Variants in TENM3 observed in about 807,000 individuals in gnomAD.
The protein encoded by TENM3 is teneurin transmembrane protein 3.
Under a neutral mutation model 255.1 loss-of-function variants are expected in TENM3, and 63 were observed. The ratio of observed to expected loss-of-function variants is 0.25; its 90% CI spans 0.20 to 0.30. The LOEUF (loss-of-function observed/expected upper bound fraction) is 0.30. TENM3 is among the 10% of genes least tolerant of loss of function. TENM3 has a pLI of 1.00. For synonymous variants in TENM3, 1,306 were observed against 1,322.3 expected (o/e 0.99, Z 0.27); for missense variants, 2,929 against 3,461.1 (o/e 0.85, Z 3.86).
At chr4:181,777,742 T>G in the TENM3 span, among the ~76,000 whole-genome samples, 1 of 152,160 alleles carries the variant, frequency 6.6e-6, no homozygotes, top group Non-Finnish European at 1.5e-5. Context: ...CACATAGAAA[T>G]TTTTAAATAT....
the TENM3 span, among the ~76,000 whole-genome samples, chr4:181,466,074 A>G: frequency 6.6e-6 from 1 of 151,754 alleles, no homozygotes; most frequent in Non-Finnish European, 1.5e-5. Flanking sequence ...ACGTGGGTGG[A>G]TAATGCCTAT....
the TENM3 span, among the ~76,000 whole-genome samples, chr4:182,001,607 T>G: frequency 6.6e-6 from 1 of 152,234 alleles, no homozygotes; most frequent in African/African-American, 2.4e-5. Context: ...CATCAACTAC[T>G]ACTTTTGCTG....
At chr4:182,549,264 G>T (rs545864418) in intron 3 of TENM3, among the ~76,000 whole-genome samples, 1 of 152,290 alleles carries the variant, frequency 6.6e-6, no homozygotes, top group African/African-American at 2.4e-5. Context: ...TCACTTCAAA[G>T]AATTAATACT....
At chr4:182,098,697 A>AG in the TENM3 span, among the ~76,000 whole-genome samples, 1 of 152,138 alleles carries the variant, frequency 6.6e-6, no homozygotes, top group Non-Finnish European at 1.5e-5. Flanking sequence ...GGAGATAAGA[A>AG]GGGGGTGGTT....
chr4:182,431,516 G>GC (rs1771644715), intron 3 of TENM3, among the ~76,000 whole-genome samples: 1 of 151,998 alleles, frequency 6.6e-6, no homozygotes, highest in African/African-American at 2.4e-5. Context: ...AAAAGAAAAG[G>GC]ATGGGTGAGA....
chr4:182,455,408 GT>G (rs533979684), intron 3 of TENM3, among the ~76,000 whole-genome samples: 106 of 152,000 alleles, frequency 7.0e-4, no homozygotes, highest in African/African-American at 2.5e-3. Flanking sequence ...TCTGAGTTGT[GT>G]TTTATCAGTC....
chr4:182,124,113 G>A, the TENM3 span, among the ~76,000 whole-genome samples: 1 of 152,160 alleles, frequency 6.6e-6, no homozygotes, highest in African/African-American at 2.4e-5. Context: ...GTGCAATGGC[G>A]TGATCTCGGT....
At chr4:182,226,445 T>G (rs1756163239) in intron 1 of TENM3, among the ~76,000 whole-genome samples, 1 of 152,220 alleles carries the variant, frequency 6.6e-6, no homozygotes, top group African/African-American at 2.4e-5. Flanking sequence ...CAAATAGGCT[T>G]CTTTAACTTG....
chr4:182,058,759 G>A, the TENM3 span, among the ~76,000 whole-genome samples: 1 of 151,866 alleles, frequency 6.6e-6, no homozygotes, highest in African/African-American at 2.4e-5. Context: ...ATTATTTAAG[G>A]TTCTTAATCT....
the TENM3 span, among the ~76,000 whole-genome samples, chr4:181,690,064 C>T: frequency 2.0e-5 from 3 of 152,066 alleles, no homozygotes; most frequent in Non-Finnish European, 4.4e-5. Flanking sequence ...AATGTGATTC[C>T]CAGGCACCCA....
At chr4:182,531,088 G>A (rs527403775) in intron 3 of TENM3, among the ~76,000 whole-genome samples, 13 of 152,118 alleles carry the variant, frequency 8.5e-5, no homozygotes, top group Non-Finnish European at 1.8e-4. Context: ...AGTGGTTGGA[G>A]GAGAATGGAC....
At chr4:182,410,707 A>C (rs17073261) in intron 3 of TENM3, among the ~76,000 whole-genome samples, 1 of 152,092 alleles carries the variant, frequency 6.6e-6, no homozygotes, top group Non-Finnish European at 1.5e-5. Context: ...AAATCGTCTT[A>C]ACCACGAGGA....
At chr4:182,245,980 G>A (rs1757616795) in intron 1 of TENM3, among the ~76,000 whole-genome samples, 2 of 152,124 alleles carry the variant, frequency 1.3e-5, no homozygotes. Context: ...TCCTCACTCT[G>A]TGGTTAACAG....
At chr4:181,978,027 CA>C in the TENM3 span, among the ~76,000 whole-genome samples, 2 of 152,032 alleles carry the variant, frequency 1.3e-5, no homozygotes, top group Non-Finnish European at 2.9e-5. Context: ...TGCAGTAAAG[CA>C]AAGAGAATAA....
the TENM3 span, among the ~76,000 whole-genome samples, chr4:181,775,431 T>C: frequency 6.6e-6 from 1 of 152,180 alleles, no homozygotes; most frequent in South Asian, 2.1e-4. Context: ...CCATTGGAAT[T>C]CATTTTATTG....
At chr4:181,770,248 G>C in the TENM3 span, among the ~76,000 whole-genome samples, 8,833 of 152,208 alleles carry the variant, frequency 0.058, 283 homozygotes, top group Middle Eastern at 0.13. Context: ...AATTTACAGA[G>C]AATGTGACTA....
At chr4:182,522,790 C>G (rs1407845971) in intron 3 of TENM3, among the ~76,000 whole-genome samples, 1 of 152,146 alleles carries the variant, frequency 6.6e-6, no homozygotes, top group Non-Finnish European at 1.5e-5. Flanking sequence ...ATATGTCTGA[C>G]ATACTGACTC....
intron 1 of TENM3, among the ~76,000 whole-genome samples, chr4:182,234,672 C>T (rs1180144854): frequency 6.6e-6 from 1 of 151,998 alleles, no homozygotes; most frequent in East Asian, 1.9e-4. Context: ...GCGGAGGTTG[C>T]AGTGAGCCGA....
intron 1 of TENM3, among the ~76,000 whole-genome samples, chr4:182,290,667 T>G (rs920663315): frequency 1.3e-5 from 2 of 151,016 alleles, no homozygotes; most frequent in African/African-American, 4.9e-5. Context: ...CACGCCCAGC[T>G]AATTTTTTTG....
Sources: gnomAD v4.1 joint callset for allele counts (sites outside exome capture counted in the v4.1 genomes callset) on GRCh38, gnomAD v4.1.1 for gene constraint, MANE v1.5 for transcripts, NCBI Gene and HGNC (gene_info 2026-07-23, HGNC 2026-07-21) for gene names.